The following GARNL3 variants were observed in gnomAD, a reference collection of about 807,000 sequenced individuals.
The protein encoded by GARNL3 is GTPase activating Rap/RanGAP domain like 3.
A neutral mutation model predicts 125.0 loss-of-function variants in GARNL3; 63 were observed. The ratio of observed to expected loss-of-function variants is 0.50; its 90% CI spans 0.41 to 0.62. The LOEUF is 0.62. Among genes scored for constraint, GARNL3 ranks in the 20% least tolerant of loss-of-function variants. The probability of loss-of-function intolerance (pLI) is 0.00; values close to 1 mark genes in which losing one functional copy is unlikely to be tolerated. For synonymous variants in GARNL3, 439 were observed against 457.5 expected (o/e 0.96, Z 0.52); for missense variants, 994 against 1,244.0 (o/e 0.80, Z 3.02).
At chr9:127,336,263 A>G in intron 11 of GARNL3, 27 bp downstream of exon 11, 3 of 1,514,548 alleles carry the variant, frequency 2.0e-6, no homozygotes, top group Middle Eastern at 1.7e-4. Context: ...TAAATGCTCC[A>G]GTGTGGCAAG....
intron 6 of GARNL3, among the ~76,000 whole-genome samples, chr9:127,323,595 C>T (rs2065468780): frequency 1.3e-5 from 2 of 152,114 alleles, no homozygotes; most frequent in Admixed American, 6.5e-5. Context: ...CTGAGAGGTG[C>T]GATCCTTTTC....
At chr9:127,284,309 T>C (rs979951150) in intron 1 of GARNL3, among the ~76,000 whole-genome samples, 1 of 152,246 alleles carries the variant, frequency 6.6e-6, no homozygotes, top group African/African-American at 2.4e-5. Flanking sequence ...TAATTTCATA[T>C]AGAATGAATG....
chr9:127,276,153 A>T (rs1480490187), intron 1 of GARNL3, among the ~76,000 whole-genome samples: 6 of 149,934 alleles, frequency 4.0e-5, no homozygotes, highest in Admixed American at 1.3e-4. Flanking sequence ...TAACATTTTG[A>T]ATTGATTGAT....
intron 5 of GARNL3, among the ~76,000 whole-genome samples, chr9:127,319,361 A>G (rs932657172): frequency 2.6e-5 from 4 of 152,112 alleles, no homozygotes; most frequent in African/African-American, 9.7e-5. Context: ...ACACACCTGT[A>G]GTCTCAGCTA....
chr9:127,303,328 T>C (rs1023554592), intron 2 of GARNL3, among the ~76,000 whole-genome samples: 16 of 152,166 alleles, frequency 1.1e-4, no homozygotes, highest in African/African-American at 3.9e-4. Context: ...ATGTGTGATA[T>C]GTGTGTATGT....
intron 1 of GARNL3, among the ~76,000 whole-genome samples, chr9:127,279,868 G>A (rs1325391870): frequency 6.6e-6 from 1 of 151,774 alleles, no homozygotes; most frequent in Non-Finnish European, 1.5e-5. Context: ...TGTTCATTTG[G>A]GACTGTAGCT....
At chr9:127,298,798 C>A (rs184623712) in intron 2 of GARNL3, among the ~76,000 whole-genome samples, 127 of 152,214 alleles carry the variant, frequency 8.3e-4, no homozygotes, top group African/African-American at 2.9e-3. Context: ...TATTATGCCT[C>A]CAGAGTCGAC....
intron 17 of GARNL3, among the ~76,000 whole-genome samples, chr9:127,353,312 T>G (rs2131659988): frequency 6.6e-6 from 1 of 152,334 alleles, no homozygotes; most frequent in South Asian, 2.1e-4. Context: ...GGCAAACTAC[T>G]ACTGCTACAA....
chr9:127,292,242 CT>C, intron 2 of GARNL3, among the ~76,000 whole-genome samples: 1 of 152,338 alleles, frequency 6.6e-6, no homozygotes, highest in Middle Eastern at 3.4e-3. Context: ...CAAATGGAGG[CT>C]GAATACCCCT....
chr9:127,262,034 T>G (rs1381179574), upstream of GARNL3, among the ~76,000 whole-genome samples: 6 of 152,216 alleles, frequency 3.9e-5, no homozygotes, highest in Non-Finnish European at 7.3e-5. Context: ...TCTGAATGAC[T>G]GCAGGTGTAA....
chr9:127,353,582 G>A (rs1008909044), intron 17 of GARNL3: 8 of 325,178 alleles, frequency 2.5e-5, no homozygotes, highest in Middle Eastern at 8.6e-4. Flanking sequence ...CAAAAATAGC[G>A]TTTTCATGCC....
In GARNL3 at chr9:127,242,479, G is replaced by GAC. The variant is rs1301170275; in HGVS notation, c.-28-596_-28-595dup. Among the ~76,000 whole-genome samples, 21 of 152,254 alleles carry GAC rather than the reference G, an allele frequency of 1.4e-4. No homozygotes were observed. Among genetic ancestry groups the GAC allele is most frequent in the Middle Eastern group, 6.8e-3 (2 of 294 alleles). ...TGATGCATCATCGGAGAAAGGAGCA[G>GAC]ACACATCTCAGGAATGCATTTCTCA... On this transcript the variant is annotated intron_variant, in intron 1 of 10. Coordinates refer to the GARNL3 transcript ENST00000439286. The surrounding 1 kb of genome is among the most constrained non-coding windows in gnomAD (Gnocchi z 4.6).
chr9:127,283,581 G>T (rs7850604), intron 1 of GARNL3, among the ~76,000 whole-genome samples: 3,626 of 152,270 alleles, frequency 0.024, 138 homozygotes, highest in African/African-American at 0.083. Context: ...GAAGCAGGAA[G>T]ATTGCTTGAG....
intron 9 of GARNL3, among the ~76,000 whole-genome samples, chr9:127,333,678 C>G (rs1829390967): frequency 6.6e-6 from 1 of 152,010 alleles, no homozygotes; most frequent in African/African-American, 2.4e-5. Flanking sequence ...GCAGAGAGAA[C>G]ATCCATGAAG....
rs1290125065 is a variant in GARNL3 at position 127,392,892 on chromosome 9, G to A, written c.2871-191G>A. ...AACACCTTCCATGTGTCACACACTCGGCCTTTAATCCTCAAAACCCCCTGA... is the reference window on the plus strand; with the variant it reads ...AACACCTTCCATGTGTCACACACTCAGCCTTTAATCCTCAAAACCCCCTGA... On this transcript the variant is annotated intron_variant, in intron 27 of 27. Transcript: ENST00000373387. This position sits in a 1 kb window ranked among gnomAD's most constrained non-coding sequence, Gnocchi z 5.2. 1.3e-5 allele frequency among the ~76,000 whole-genome samples: 2 copies of A among 152,216 alleles called. No homozygotes were observed. Among genetic ancestry groups the A allele is most frequent in the South Asian group, 2.1e-4 (1 of 4,818 alleles).
chr9:127,374,731 A>G (rs1831798467), intron 22 of GARNL3, among the ~76,000 whole-genome samples: 1 of 152,186 alleles, frequency 6.6e-6, no homozygotes, highest in Non-Finnish European at 1.5e-5. Context: ...GTAAATAAGC[A>G]CATGAAAAGG....
At chr9:127,295,139 A>G (rs2064549122) in intron 2 of GARNL3, among the ~76,000 whole-genome samples, 1 of 152,230 alleles carries the variant, frequency 6.6e-6, no homozygotes, top group African/African-American at 2.4e-5. Flanking sequence ...CAACTCATCA[A>G]GGAATTGGAT....
chr9:127,262,342 A>T (rs527540464), upstream of GARNL3, among the ~76,000 whole-genome samples: 1 of 152,242 alleles, frequency 6.6e-6, no homozygotes, highest in East Asian at 1.9e-4. Context: ...GTGGCCTTCC[A>T]TGTGGTCAAT....
chr9:127,316,097 G>A (rs1428745840), intron 4 of GARNL3, among the ~76,000 whole-genome samples: 1 of 152,192 alleles, frequency 6.6e-6, no homozygotes, highest in Non-Finnish European at 1.5e-5. Context: ...TTACCAGTTT[G>A]TGGTGAAGAA....
Sources: gnomAD v4.1 joint callset for allele counts (sites outside exome capture counted in the v4.1 genomes callset) on GRCh38, gnomAD v4.1.1 for gene constraint, Gnocchi (gnomAD v3.1) non-coding constraint, MANE v1.5 for transcripts, NCBI Gene and HGNC (gene_info 2026-07-23, HGNC 2026-07-21) for gene names.